RTTN: variants seen among roughly 807,000 people sequenced by gnomAD.
The protein encoded by RTTN is rotatin.
RTTN carries 182 observed loss-of-function variants against 269.2 expected under a neutral mutation model. The ratio of observed to expected loss-of-function variants is 0.68; its 90% CI spans 0.60 to 0.76. RTTN has a LOEUF of 0.76. Among genes scored for constraint, RTTN ranks in the 30% least tolerant of loss-of-function variants. The pLI, the probability that RTTN is intolerant of heterozygous loss-of-function variation, is 0.00. For missense variants in RTTN, 2,545 were observed against 2,608.6 expected (o/e 0.98, Z 0.53); for synonymous variants, 1,006 against 963.5 (o/e 1.04, Z -0.82).
chr18:70,110,335 G>C (rs2059431231), intron 27 of RTTN, among the ~76,000 whole-genome samples: 1 of 152,150 alleles, frequency 6.6e-6, no homozygotes, highest in South Asian at 2.1e-4. Flanking sequence ...CAGAAGGCGG[G>C]TGATTTCTGC....
chr18:70,092,550 T>G, intron 29 of RTTN, 126 bp downstream of exon 29: 1 of 1,014,494 alleles, frequency 9.9e-7, no homozygotes, highest in Non-Finnish European at 1.4e-6. Context: ...ATCATTCACG[T>G]TACCTAAAAA....
intron 14 of RTTN, among the ~76,000 whole-genome samples, chr18:70,159,693 TA>T (rs2060776079): frequency 6.6e-6 from 1 of 151,736 alleles, no homozygotes; most frequent in South Asian, 2.1e-4. Flanking sequence ...GCTAGATTAA[TA>T]AAGAAAAAAA....
rs10048258 is a variant in RTTN at position 70,103,619 on chromosome 18, C to T, written c.3903+5879G>A. The stretch of plus-strand genomic sequence containing the variant: ...CAAGTACCCAGGGACACAGACACTG[C>T]GGAAGGCCACAGGGACCTCTGCCTA... On this transcript the variant is annotated intron_variant, in intron 28 of 48. Coordinates refer to ENST00000640769, the MANE Select transcript of RTTN (RefSeq NM_173630.4). Among the ~76,000 whole-genome samples the T allele has an allele frequency of 6.6e-3, 1,004 of 152,140 alleles. 11 individuals carry two copies. Among genetic ancestry groups the T allele is most frequent in the African/African-American group, 0.023 (944 of 41,500 alleles).
intron 28 of RTTN, among the ~76,000 whole-genome samples, chr18:70,108,013 A>C (rs1240245781): frequency 1.3e-5 from 2 of 152,204 alleles, no homozygotes; most frequent in Admixed American, 6.5e-5. Flanking sequence ...AGTGGCTCAC[A>C]CCCGTAATCC....
intron 28 of RTTN, among the ~76,000 whole-genome samples, chr18:70,094,966 C>T (rs2058959129): frequency 6.6e-6 from 1 of 151,700 alleles, no homozygotes; most frequent in African/African-American, 2.4e-5. Context: ...TAAGAACTTG[C>T]TTTACGAATC....
chr18:70,017,577 T>C lies in RTTN; in HGVS notation c.6251A>G (p.Asn2084Ser). 1 of 1,614,016 alleles carries C rather than the reference T, an allele frequency of 6.2e-7. No homozygotes were observed. The highest frequency in any genetic ancestry group is 8.5e-7 in the Non-Finnish European group (1 of 1,179,898). Reference sequence around the variant, plus strand: ...TTGCCCATCTTCTCCAGATGATATATTCAGGAGTAACTTCAACCAAAGAAT... The same window carrying C: ...TTGCCCATCTTCTCCAGATGATATACTCAGGAGTAACTTCAACCAAAGAAT... Reference protein sequence around the residue: ...LTILWLKLLLNISSGEDGQQM... With the variant: ...LTILWLKLLLSISSGEDGQQM... Residue 2084 changes from asparagine to serine, a missense_variant, in exon 46 of 49, where the codon AAT becomes AGT. Coordinates refer to ENST00000640769, the MANE Select transcript of RTTN (RefSeq NM_173630.4).
rs142016609 is a variant in RTTN, at chr18:70,109,608, G to A, written c.3793C>T (p.Arg1265Trp). 12 of 1,613,810 alleles carry A rather than the reference G, an allele frequency of 7.4e-6. No homozygotes were observed. In the Admixed American group the frequency reaches 8.3e-5, roughly 11 times the overall value. Residue 1265 changes from arginine to tryptophan, a missense_variant, in exon 28 of 49, where the codon CGG becomes TGG. Physicochemically the swap from Arg to Trp is moderately radical, Grantham distance 101 (BLOSUM62 -3). Transcript: ENST00000640769. The part of the protein sequence containing the change: ...PHFYGLPSLE[R>W]TLRGMANLTA... ...AGGTTAGCCATCCCTCGTAAGGTCCGCTCAAGGGACGGCAGGCCATAGAAA... is the reference window on the plus strand; with the variant it reads ...AGGTTAGCCATCCCTCGTAAGGTCCACTCAAGGGACGGCAGGCCATAGAAA...
chr18:70,184,707 TTTTTTTTTTTG>T (rs1248688607), intron 10 of RTTN, among the ~76,000 whole-genome samples: 127 of 60,702 alleles, frequency 2.1e-3, no homozygotes, highest in African/African-American at 6.8e-3. Flanking sequence ...CAGCAGGTTT[TTTTTTTTTTTG>T]TGTGTGTGTG....
At chr18:70,049,401 T>C (rs187555777) in intron 39 of RTTN, among the ~76,000 whole-genome samples, 1 of 152,344 alleles carries the variant, frequency 6.6e-6, no homozygotes, top group African/African-American at 2.4e-5. Context: ...TCAATTATTA[T>C]ATTTTAAACA....
At chr18:70,022,028 T>C (rs1468032744) in intron 44 of RTTN, among the ~76,000 whole-genome samples, 1 of 152,142 alleles carries the variant, frequency 6.6e-6, no homozygotes, top group East Asian at 1.9e-4. Flanking sequence ...TTTAATAAAA[T>C]TTAAATCTTA....
intron 46 of RTTN, chr18:70,006,774 A>C (rs1417046710): frequency 3.3e-6 from 1 of 304,630 alleles, no homozygotes; most frequent in African/African-American, 2.1e-5. Flanking sequence ...GTGTGTAAAA[A>C]TAAGTATACA....
chr18:70,179,204 T>C (rs757618365), intron 10 of RTTN, among the ~76,000 whole-genome samples: 2 of 152,130 alleles, frequency 1.3e-5, no homozygotes, highest in Non-Finnish European at 2.9e-5. Flanking sequence ...TACAAACAAC[T>C]ACTGGTCTAG....
At position 70,029,163 on chromosome 18, in the gene RTTN, C is replaced by CA. The variant is rs35814962; in HGVS notation, c.5746-363dup. The stretch of plus-strand genomic sequence containing the variant: ...GCCTTTGGCTAGGGAGGAAAAGAGG[C>CA]AAAAAAAAAAAAAAAAAGAACTGAT... On this transcript the variant is annotated intron_variant, in intron 42 of 48. Coordinates refer to ENST00000640769, the MANE Select transcript of RTTN (RefSeq NM_173630.4). Among the ~76,000 whole-genome samples the CA allele has an allele frequency of 3.3e-3, 368 of 112,736 alleles. 2 individuals are homozygous for CA. The highest frequency in any genetic ancestry group is 0.013 in the African/African-American group (348 of 27,562). The allele number at this position is 112,736 out of a possible 152,430, so 74.0% of individuals were successfully genotyped here. A position where few individuals can be genotyped will look rare whatever the true frequency, so the allele number is the denominator to read the frequency against.
chr18:70,012,589 G>A (rs1244509321), intron 46 of RTTN, among the ~76,000 whole-genome samples: 9 of 151,248 alleles, frequency 6.0e-5, no homozygotes, highest in Non-Finnish European at 1.3e-4. Context: ...GGCAGCGTCT[G>A]CTCACTGGTA....
rs772690898 is a variant in RTTN at position 70,006,427 on chromosome 18, C to T, written c.6479G>A (p.Arg2160Lys). The T allele has an allele frequency of 1.1e-5, 18 of 1,613,904 alleles. No homozygotes were observed. Among genetic ancestry groups the T allele is most frequent in the Non-Finnish European group, 1.2e-5 (14 of 1,179,886 alleles). The change falls in exon 47 of 49, where the codon AGG (arginine) becomes AAG (lysine). Residue 2160 changes from arginine (R) to lysine (K), a missense_variant. Transcript: ENST00000640769. ...CLESENQNAQ[R>K]IGAAALWALI... ...AGCCCAAAGGGCAGCTGCTCCAATC[C>T]TCTGAGCATTTTGATTCTCACTTTC...
Position 70,029,992 on chromosome 18 carries a change from C to G in RTTN, c.5745+20G>C. On this transcript the variant is annotated intron_variant, in intron 42 of 48. Transcript: ENST00000640769. The stretch of plus-strand genomic sequence containing the variant: ...AGAATGGTCTCTATATATAGCCATT[C>G]ATTTATCCCAGAATGTTACCTTTTT... 1 of 1,566,174 alleles carries G rather than the reference C, an allele frequency of 6.4e-7. No homozygotes were observed. The highest frequency in any genetic ancestry group is 8.8e-7 in the Non-Finnish European group (1 of 1,137,922).
chr18:70,024,357 A>C (rs529951268), intron 44 of RTTN, among the ~76,000 whole-genome samples: 1 of 152,288 alleles, frequency 6.6e-6, no homozygotes, highest in Admixed American at 6.5e-5. Context: ...AGAACTTTCA[A>C]CATGCCAGTC....
At chr18:70,147,541 T>C (rs2060426861) in intron 17 of RTTN, among the ~76,000 whole-genome samples, 1 of 152,148 alleles carries the variant, frequency 6.6e-6, no homozygotes, top group Non-Finnish European at 1.5e-5. Context: ...CATGACTGTG[T>C]ATTTATGTAT....
In RTTN at chr18:70,049,481, C is replaced by T. The variant is rs576130787; in HGVS notation, c.5324-1293G>A. On this transcript the variant is annotated intron_variant, in intron 39 of 48. Coordinates refer to ENST00000640769, the MANE Select transcript of RTTN (RefSeq NM_173630.4). ...AGAACTCCTACATCCAGAAAATTAACAATTCTGTTCCTTGTTAAACATGCA... is the reference window on the plus strand; with the variant it reads ...AGAACTCCTACATCCAGAAAATTAATAATTCTGTTCCTTGTTAAACATGCA... Among the ~76,000 whole-genome samples the T allele has an allele frequency of 2.6e-5, 4 of 152,248 alleles. No individual in the cohort carries two copies. The South Asian group carries it at 8.3e-4, about 32-fold the overall frequency.
Sources: gnomAD v4.1 joint callset for allele counts (sites outside exome capture counted in the v4.1 genomes callset) on GRCh38, gnomAD v4.1.1 for gene constraint, MANE v1.5 for transcripts, NCBI Gene and HGNC (gene_info 2026-07-23, HGNC 2026-07-21) for gene names.